The following TRAF1 variants were observed in gnomAD, a reference collection of about 807,000 sequenced individuals.
TRAF1 encodes TNF receptor associated factor 1, also known as TNF receptor-associated factor 1.
A neutral mutation model predicts 40.9 loss-of-function variants in TRAF1; 23 were observed. That is an observed-to-expected ratio of 0.56 (90% confidence interval 0.40 to 0.80). TRAF1 has a LOEUF of 0.80. TRAF1 is among the 30% of genes least tolerant of loss of function. The pLI is 0.00. For synonymous variants in TRAF1, 206 were observed against 218.8 expected (o/e 0.94, Z 0.52); for missense variants, 477 against 528.7 (o/e 0.90, Z 0.96).
At position 120,911,350 on chromosome 9, in the gene TRAF1, C is replaced by A. The variant is rs775471083; in HGVS notation, c.869G>T (p.Ser290Ile). The A allele has an allele frequency of 3.1e-6, 5 of 1,613,184 alleles. No individual in the cohort carries two copies. The highest frequency in any genetic ancestry group is 4.2e-6 in the Non-Finnish European group (5 of 1,179,842). Residue 290 changes from serine to isoleucine, a missense_variant, in exon 6 of 8, where the codon AGC becomes ATC. Coordinates refer to ENST00000373887, the MANE Select transcript of TRAF1 (RefSeq NM_005658.5). The stretch of plus-strand genomic sequence containing the variant: ...GGAGGTGTTACCTGGGGAGAAGAGG[C>A]TGACGGTCCTGCCACAGGCCGACTC... ...CHESACGRTV[S>I]LFSPAFYTAK...
intron 6 of TRAF1, among the ~76,000 whole-genome samples, chr9:120,909,615 T>C (rs1266341443): frequency 6.6e-6 from 1 of 152,184 alleles, no homozygotes; most frequent in Non-Finnish European, 1.5e-5. Flanking sequence ...CCCTCAGAGT[T>C]TCTCACTCAG....
chr9:120,905,016 C>A lies in TRAF1; in HGVS notation c.*4G>T, dbSNP rs377215261. On this transcript the variant is annotated 3_prime_UTR_variant, in exon 8 of 8. Coordinates refer to ENST00000373887, the MANE Select transcript of TRAF1 (RefSeq NM_005658.5). The stretch of plus-strand genomic sequence containing the variant: ...TTGGAGCTCCCTCAGGAGCCCCGCC[C>A]ACCCTAAGTGCTGGTCTCCACAATG... The A allele has an allele frequency of 6.2e-7, 1 of 1,612,230 alleles. No individual in the cohort carries two copies. The highest frequency in any genetic ancestry group is 1.1e-5 in the South Asian group (1 of 90,562).
chr9:120,924,541 A>G (rs2046626139), intron 2 of TRAF1, among the ~76,000 whole-genome samples: 1 of 152,110 alleles, frequency 6.6e-6, no homozygotes, highest in East Asian at 1.9e-4. Context: ...TAGCCTCCCA[A>G]GTAGCTGGGA....
In TRAF1 at chr9:120,902,472, C is replaced by T. The variant is rs2046444313; in HGVS notation, c.*2548G>A. On this transcript the variant is annotated 3_prime_UTR_variant, in exon 8 of 8. Transcript: ENST00000373887. Reference sequence around the variant, plus strand: ...CATCTCATCCTGCTTTCAATAGGCCCAGGGTTACCAGCAGGTGCTCTGTGG... The same window carrying T: ...CATCTCATCCTGCTTTCAATAGGCCTAGGGTTACCAGCAGGTGCTCTGTGG... 1 of 128,522 alleles carries T rather than the reference C, an allele frequency of 7.8e-6. No individual in the cohort carries two copies. Among genetic ancestry groups the T allele is most frequent in the African/African-American group, 2.9e-5 (1 of 34,060 alleles). 8.0% of individuals were successfully genotyped at this position (128,522 alleles called of 1,614,324 possible).
intron 2 of TRAF1, among the ~76,000 whole-genome samples, chr9:120,925,448 A>G (rs4837802): frequency 0.016 from 2,377 of 152,366 alleles, 96 homozygotes; most frequent in Admixed American, 0.082. Context: ...TGTCCCCTCC[A>G]AAAGGGTTCC....
chr9:120,907,097 A>G (rs2046488996), intron 7 of TRAF1, among the ~76,000 whole-genome samples: 1 of 152,106 alleles, frequency 6.6e-6, no homozygotes, highest in African/African-American at 2.4e-5. Flanking sequence ...CCTGGGCTCA[A>G]GCGCTCCACC....
At chr9:120,913,877 G>T in intron 4 of TRAF1, 139 bp from the exon 5 acceptor site, 1 of 984,432 alleles carries the variant, frequency 1.0e-6, no homozygotes, top group Non-Finnish European at 1.5e-6. Flanking sequence ...ACAGTGGGAG[G>T]GATTCAGAGG....
intron 4 of TRAF1, 125 bp downstream of exon 4, chr9:120,914,110 A>T: frequency 1.3e-6 from 1 of 793,376 alleles, no homozygotes; most frequent in Non-Finnish European, 1.9e-6. Context: ...GAAAGTCATT[A>T]GTACAAAGGA....
intron 5 of TRAF1, among the ~76,000 whole-genome samples, chr9:120,912,453 G>C (rs1354737029): frequency 1.3e-5 from 2 of 152,114 alleles, no homozygotes; most frequent in Non-Finnish European, 2.9e-5. Context: ...TCAGGAGATC[G>C]AGACCAGCCT....
At chr9:120,915,754 A>G (rs2046565037) in intron 3 of TRAF1, among the ~76,000 whole-genome samples, 1 of 152,146 alleles carries the variant, frequency 6.6e-6, no homozygotes, top group Admixed American at 6.5e-5. Flanking sequence ...GGATCGCTTG[A>G]GCCCAGGGGT....
chr9:120,905,866 A>G (rs1347379730), intron 7 of TRAF1, among the ~76,000 whole-genome samples: 1 of 152,216 alleles, frequency 6.6e-6, no homozygotes, highest in African/African-American at 2.4e-5. Flanking sequence ...CCCGTTGCCA[A>G]CTGAAGCATC....
intron 3 of TRAF1, among the ~76,000 whole-genome samples, chr9:120,923,500 C>A (rs1014620578): frequency 3.3e-5 from 5 of 152,244 alleles, no homozygotes; most frequent in African/African-American, 1.2e-4. Flanking sequence ...TGTTCTCACT[C>A]TAAGTCTATT....
intron 4 of TRAF1, 103 bp from the exon 5 acceptor site, chr9:120,913,841 C>T (rs2046549739): frequency 1.5e-6 from 2 of 1,358,738 alleles, no homozygotes; most frequent in Admixed American, 2.4e-5. Flanking sequence ...TATTCATTCA[C>T]CCAGCAAAAA....
Position 120,905,101 on chromosome 9 carries a change from G to A in TRAF1, c.1170C>T (p.Leu390=). The change falls in exon 8 of 8, where the codon CTC becomes CTT. Residue 390 remains leucine (L), a synonymous_variant. Transcript: ENST00000373887. ...CGTGCTTGGGTGACTGCAGTTTGCT[G>A]AGGGGGAAGAAGAGTGGGCATCCAC... is the stretch of plus-strand genomic sequence containing the variant. ...VASGCPLFFP[L]SKLQSPKHAY... is the part of the protein sequence containing the mutation. The A allele has an allele frequency of 6.2e-7, 1 of 1,614,272 alleles. No individual in the cohort carries two copies. Among genetic ancestry groups the A allele is most frequent in the Middle Eastern group, 1.6e-4 (1 of 6,062 alleles).
intron 3 of TRAF1, among the ~76,000 whole-genome samples, chr9:120,921,598 C>G (rs2046606037): frequency 6.6e-6 from 1 of 152,054 alleles, no homozygotes; most frequent in Non-Finnish European, 1.5e-5. Flanking sequence ...CACAGCCGAT[C>G]CACCAAGAGC....
chr9:120,924,042 C>T (rs372232251), intron 2 of TRAF1, among the ~76,000 whole-genome samples: 3 of 152,292 alleles, frequency 2.0e-5, no homozygotes, highest in East Asian at 3.9e-4. Context: ...CCCTTACTTG[C>T]CCCACTTAGT....
In TRAF1 at chr9:120,912,817, G is replaced by A. The variant is rs186002189; in HGVS notation, c.705+511C>T. Among the ~76,000 whole-genome samples, 40 of 152,350 alleles carry A rather than the reference G, an allele frequency of 2.6e-4. No homozygotes were observed. The East Asian group carries it at 7.3e-3, about 28-fold the overall frequency. On this transcript the variant is annotated intron_variant, in intron 5 of 7. Coordinates refer to ENST00000373887, the MANE Select transcript of TRAF1 (RefSeq NM_005658.5). ...AATTCTTTGGAGACTGAGCCAGAGC[G>A]TAGGATGGCAATGTGAAGCAGCATG...
intron 5 of TRAF1, 121 bp from the exon 6 acceptor site, chr9:120,911,634 G>A (rs1273706633): frequency 1.7e-6 from 2 of 1,184,902 alleles, no homozygotes; most frequent in Non-Finnish European, 2.4e-6. Context: ...TCACTCAGGT[G>A]TGCGTCTGCA....
At chr9:120,914,716 T>A (rs1006939977) in intron 3 of TRAF1, 5 of 360,914 alleles carry the variant, frequency 1.4e-5, no homozygotes, top group African/African-American at 1.1e-4. Flanking sequence ...CCTCCTGAAG[T>A]TCATGGGGAA....
Sources: gnomAD v4.1 joint callset for allele counts (sites outside exome capture counted in the v4.1 genomes callset) on GRCh38, gnomAD v4.1.1 for gene constraint, MANE v1.5 for transcripts, NCBI Gene and HGNC (gene_info 2026-07-23, HGNC 2026-07-21) for gene names.